The following SPATA17 variants were observed in gnomAD, a reference collection of about 807,000 sequenced individuals.
SPATA17 encodes spermatogenesis associated 17, also known as spermatogenesis-associated protein 17.
SPATA17 carries 53 observed loss-of-function variants against 62.2 expected under a neutral mutation model. The ratio of observed to expected loss-of-function variants is 0.85; its 90% CI spans 0.68 to 1.07. The LOEUF is 1.07. Among genes scored for constraint, SPATA17 ranks in the 50% least tolerant of loss-of-function variants. The pLI, the probability that SPATA17 is intolerant of heterozygous loss-of-function variation, is 0.00. For synonymous variants in SPATA17, 146 were observed against 146.8 expected (o/e 0.99, Z 0.04); for missense variants, 466 against 425.5 (o/e 1.10, Z -0.84).
chr1:217,705,350 G>A (rs560068809), intron 5 of SPATA17, among the ~76,000 whole-genome samples: 1 of 139,150 alleles, frequency 7.2e-6, no homozygotes. Flanking sequence ...CTATTCTGTA[G>A]GTTGTCTCTT....
chr1:217,774,194 T>A, intron 6 of SPATA17, 140 bp from the exon 7 acceptor site: 2 of 652,332 alleles, frequency 3.1e-6, no homozygotes, highest in Non-Finnish European at 5.1e-6. Context: ...TAGGTAAATC[T>A]GAAGTCCACC....
intron 4 of SPATA17, among the ~76,000 whole-genome samples, chr1:217,673,269 T>A (rs1670870190): frequency 6.6e-6 from 1 of 152,154 alleles, no homozygotes; most frequent in Admixed American, 6.6e-5. Context: ...GGAGGTTTGC[T>A]GTGATATAAG....
intron 4 of SPATA17, among the ~76,000 whole-genome samples, chr1:217,678,789 T>C (rs1401527714): frequency 6.6e-6 from 1 of 152,208 alleles, no homozygotes; most frequent in Non-Finnish European, 1.5e-5. Context: ...CAAGCTGTAA[T>C]CTGCTGAGCA....
In SPATA17 at chr1:217,706,723, G is replaced by A. The variant is rs143347621; in HGVS notation, c.395+23362G>A. Among the ~76,000 whole-genome samples, 50 of 152,184 alleles carry A rather than the reference G, an allele frequency of 3.3e-4. 1 individual carries two copies. The East Asian group carries it at 8.5e-3, about 26-fold the overall frequency. On this transcript the variant is annotated intron_variant, in intron 5 of 10. Transcript: ENST00000366933. ...GTGAAAATGGACTAATACACTATCC[G>A]TGAGCATGGAATGTTTTTCCATTTG...
intron 5 of SPATA17, among the ~76,000 whole-genome samples, chr1:217,702,588 G>T (rs1671624140): frequency 6.6e-6 from 1 of 152,060 alleles, no homozygotes. Context: ...TTTGTTCCAG[G>T]ATAGCATTTT....
intron 1 of SPATA17, among the ~76,000 whole-genome samples, chr1:217,644,083 A>C (rs1670129755): frequency 6.6e-6 from 1 of 152,182 alleles, no homozygotes; most frequent in South Asian, 2.1e-4. Context: ...CTAAATTATA[A>C]TGACTTTGTT....
intron 6 of SPATA17, among the ~76,000 whole-genome samples, chr1:217,773,141 C>A (rs913335165): frequency 2.0e-5 from 3 of 152,106 alleles, no homozygotes; most frequent in African/African-American, 7.2e-5. Flanking sequence ...ACACTTATTG[C>A]TGAGTTAGGC....
intron 8 of SPATA17, among the ~76,000 whole-genome samples, chr1:217,797,352 T>A (rs758345187): frequency 1.3e-5 from 2 of 151,284 alleles, no homozygotes; most frequent in Non-Finnish European, 2.9e-5. Context: ...CGGGTTCAGA[T>A]GATTCTCCTG....
intron 6 of SPATA17, among the ~76,000 whole-genome samples, chr1:217,752,504 T>C (rs955980800): frequency 3.9e-5 from 6 of 152,216 alleles, no homozygotes; most frequent in African/African-American, 1.4e-4. Context: ...ATTGCTTCTT[T>C]TTTGACAATA....
At chr1:217,809,560 C>T (rs930126897) in intron 9 of SPATA17, among the ~76,000 whole-genome samples, 11 of 147,496 alleles carry the variant, frequency 7.5e-5, no homozygotes, top group African/African-American at 2.7e-4. Flanking sequence ...GAGGTAAAAC[C>T]CAAGAGGCGC....
At chr1:217,668,020 C>T (rs897375976) in intron 3 of SPATA17, among the ~76,000 whole-genome samples, 2 of 152,166 alleles carry the variant, frequency 1.3e-5, no homozygotes, top group African/African-American at 2.4e-5. Context: ...ACAGTGAAAC[C>T]CTTTTATATG....
chr1:217,833,326 A>C (rs2103002942), intron 9 of SPATA17, among the ~76,000 whole-genome samples: 1 of 152,342 alleles, frequency 6.6e-6, no homozygotes, highest in African/African-American at 2.4e-5. Context: ...AGAAGAAGTA[A>C]CCAAAGAACC....
intron 5 of SPATA17, among the ~76,000 whole-genome samples, chr1:217,738,428 T>A (rs1469514433): frequency 1.3e-5 from 2 of 152,204 alleles, no homozygotes; most frequent in Non-Finnish European, 2.9e-5. Context: ...AATACTTGGC[T>A]CATAGTAAAT....
intron 10 of SPATA17, among the ~76,000 whole-genome samples, chr1:217,864,600 A>G (rs1675970582): frequency 1.3e-5 from 2 of 152,092 alleles, no homozygotes; most frequent in African/African-American, 4.8e-5. Flanking sequence ...ATACATTTGT[A>G]TGTTGCAAAA....
At chr1:217,823,262 G>T (rs1674911621) in intron 9 of SPATA17, among the ~76,000 whole-genome samples, 1 of 151,474 alleles carries the variant, frequency 6.6e-6, no homozygotes, top group African/African-American at 2.4e-5. Context: ...CAAGTTCGTG[G>T]TTAGGAACTC....
At chr1:217,819,957 T>A (rs1298632156) in intron 9 of SPATA17, among the ~76,000 whole-genome samples, 1 of 152,036 alleles carries the variant, frequency 6.6e-6, no homozygotes, top group Non-Finnish European at 1.5e-5. Flanking sequence ...AGAATGTAAA[T>A]TAATCACTGT....
chr1:217,709,843 A>T (rs533467138), intron 5 of SPATA17, among the ~76,000 whole-genome samples: 9 of 152,282 alleles, frequency 5.9e-5, no homozygotes, highest in Admixed American at 4.6e-4. Context: ...AGGTCTTTTA[A>T]TATTATATTT....
intron 5 of SPATA17, among the ~76,000 whole-genome samples, chr1:217,727,253 TAATAA>T (rs1013058067): frequency 8.6e-6 from 1 of 115,628 alleles, no homozygotes; most frequent in African/African-American, 4.2e-5. Context: ...GTCTCAATAA[TAATAA>T]TAATAATAAT....
intron 1 of SPATA17, among the ~76,000 whole-genome samples, chr1:217,643,548 G>A (rs1670113451): frequency 6.6e-6 from 1 of 151,974 alleles, no homozygotes; most frequent in African/African-American, 2.4e-5. Flanking sequence ...CCCCACACAG[G>A]CTCTGACGCC....
Sources: allele counts gnomAD v4.1 joint callset (sites outside exome capture counted in the v4.1 genomes callset), GRCh38; gene constraint gnomAD v4.1.1; transcripts MANE v1.5; gene names NCBI Gene and HGNC (gene_info 2026-07-23, HGNC 2026-07-21).